Variants in AR observed in about 807,000 individuals in gnomAD.
AR encodes the protein androgen receptor.
Under a neutral mutation model 53.9 loss-of-function variants are expected in AR, and 8 were observed. The ratio of observed to expected loss-of-function variants is 0.15; its 90% CI spans 0.09 to 0.27. AR has a LOEUF of 0.27. AR is among the 10% of genes least tolerant of loss of function. AR has a pLI of 1.00. For missense variants in AR, 639 were observed against 742.5 expected (o/e 0.86, Z 1.62); for synonymous variants, 359 against 316.4 (o/e 1.13, Z -1.43).
At chrX:67,656,390 C>G (rs906699140) in intron 2 of AR, among the ~76,000 whole-genome samples, 2 of 110,905 alleles carry the variant, frequency 1.8e-5, no homozygotes, top group African/African-American at 6.6e-5. Flanking sequence ...GAGAAAAAAT[C>G]TATAAGCAGA....
chrX:67,618,687 G>A (rs992250216), intron 1 of AR, among the ~76,000 whole-genome samples: 3 of 111,459 alleles, frequency 2.7e-5, no homozygotes, highest in Non-Finnish European at 5.7e-5. Flanking sequence ...TTCTATCTAG[G>A]GATAGAGTCA....
chrX:67,716,946 G>C (rs1004133105), intron 4 of AR, among the ~76,000 whole-genome samples: 1 of 111,851 alleles, frequency 8.9e-6, no homozygotes, highest in Non-Finnish European at 1.9e-5. Context: ...CTAGCTGTAT[G>C]ATCTTGGACA....
At chrX:67,682,538 A>G (rs772532299) in intron 2 of AR, among the ~76,000 whole-genome samples, 1 of 109,674 alleles carries the variant, frequency 9.1e-6, no homozygotes, top group East Asian at 2.9e-4. Context: ...CAATCTTTCC[A>G]CCTTGGCCTT....
At chrX:67,664,651 AGG>A (rs1227368884) in intron 2 of AR, among the ~76,000 whole-genome samples, 2 of 112,221 alleles carry the variant, frequency 1.8e-5, no homozygotes, top group Non-Finnish European at 3.8e-5. Flanking sequence ...GCTGTCAGAC[AGG>A]GACATTTAAG....
intron 1 of AR, among the ~76,000 whole-genome samples, chrX:67,547,852 A>G (rs1422110417): frequency 1.8e-5 from 2 of 112,061 alleles, no homozygotes; most frequent in Non-Finnish European, 3.8e-5. Context: ...CAAAGTTTTA[A>G]TTAGCATATG....
Position 67,717,167 on chromosome X carries a change from G to GA in AR, c.2174-304dup, listed in dbSNP as rs201474636. Among the ~76,000 whole-genome samples, 242 of 111,598 alleles carry GA rather than the reference G, an allele frequency of 2.2e-3. 7 individuals are homozygous for GA. In the East Asian group the frequency reaches 0.059, roughly 27 times the overall value. On this transcript the variant is annotated intron_variant, in intron 4 of 7. Coordinates refer to ENST00000374690, the MANE Select transcript of AR (RefSeq NM_000044.6). Reference sequence around the variant, plus strand: ...AAAAAAGAGCAATCCAATAGCAAAAGAAAAAAAGAGTTCACTCATATAAGC... The same window carrying GA: ...AAAAAAGAGCAATCCAATAGCAAAAGAAAAAAAAGAGTTCACTCATATAAGC...
At chrX:67,717,693 G>A (rs2147531447) in intron 5 of AR, 71 bp downstream of exon 5, 1 of 1,171,489 alleles carries the variant, frequency 8.5e-7, no homozygotes, top group South Asian at 1.8e-5. Flanking sequence ...TGGTGATGGT[G>A]ATGGGGTGAC....
intron 2 of AR, among the ~76,000 whole-genome samples, chrX:67,667,331 G>A (rs993156885): frequency 1.8e-5 from 2 of 111,299 alleles, no homozygotes; most frequent in African/African-American, 6.5e-5. Flanking sequence ...TCTAATATAC[G>A]TTCTTGGCAC....
rs758912811 is a variant in AR, at chrX:67,574,978, G to A, written c.1616+28216G>A. 1.5e-4 allele frequency among the ~76,000 whole-genome samples: 17 copies of A among 111,029 alleles called. No individual in the cohort carries two copies. In the South Asian group the frequency reaches 4.2e-3, roughly 28 times the overall value. ...AATAGAGCCAATTTTCTTTTTTTCC[G>A]GGGGGGATGACTTCTAACTAGTGAT... is the stretch of plus-strand genomic sequence containing the variant. On this transcript the variant is annotated intron_variant, in intron 1 of 7. Transcript: ENST00000374690.
intron 3 of AR, among the ~76,000 whole-genome samples, chrX:67,710,076 G>A (rs1469377607): frequency 9.0e-6 from 1 of 110,752 alleles, no homozygotes; most frequent in African/African-American, 3.3e-5. Flanking sequence ...ATGTGTGTGT[G>A]AGTGTGCGTG....
intron 1 of AR, among the ~76,000 whole-genome samples, chrX:67,640,519 T>C: frequency 9.0e-6 from 1 of 111,233 alleles, no homozygotes. Flanking sequence ...TCTATTCAGG[T>C]ATTTGACTTC....
chrX:67,670,499 A>C lies in AR; in HGVS notation c.1769-15511A>C, dbSNP rs189513267. On this transcript the variant is annotated intron_variant, in intron 2 of 7. Transcript: ENST00000374690. ...TTTCATGCAAATGGAAACCAAAAAAATTAGCAGCTATACTAATATATTATA... is the reference window on the plus strand; with the variant it reads ...TTTCATGCAAATGGAAACCAAAAAACTTAGCAGCTATACTAATATATTATA... Among the ~76,000 whole-genome samples the C allele has an allele frequency of 7.9e-3, 844 of 106,816 alleles. 6 individuals are homozygous for C. The highest frequency in any genetic ancestry group is 0.027 in the African/African-American group (802 of 29,606). 92.8% of individuals were successfully genotyped at this position (106,816 alleles called of 115,157 possible).
intron 1 of AR, among the ~76,000 whole-genome samples, chrX:67,619,329 C>G (rs775751529): frequency 4.7e-4 from 52 of 109,500 alleles, no homozygotes; most frequent in Non-Finnish European, 6.5e-4. Flanking sequence ...CTCTCTCTCT[C>G]TCTGTGTGTG....
intron 1 of AR, among the ~76,000 whole-genome samples, chrX:67,581,822 G>A (rs1922311955): frequency 9.0e-6 from 1 of 111,374 alleles, no homozygotes; most frequent in Non-Finnish European, 1.9e-5. Flanking sequence ...TACCCTGTAC[G>A]ACAGAGGTAA....
chrX:67,594,702 C>A, intron 1 of AR, among the ~76,000 whole-genome samples: 1 of 112,126 alleles, frequency 8.9e-6, no homozygotes, highest in Non-Finnish European at 1.9e-5. Context: ...AATCCCAGCA[C>A]TTTGGGAGGC....
chrX:67,671,243 T>C (rs939157265), intron 2 of AR, among the ~76,000 whole-genome samples: 3 of 112,071 alleles, frequency 2.7e-5, no homozygotes, highest in African/African-American at 9.7e-5. Flanking sequence ...TTCCTATTTC[T>C]TCAAATCCTC....
At chrX:67,629,239 A>G (rs1305580316) in intron 1 of AR, among the ~76,000 whole-genome samples, 2 of 107,989 alleles carry the variant, frequency 1.9e-5, no homozygotes, top group Non-Finnish European at 3.9e-5. Flanking sequence ...TACCTCTGAT[A>G]GAATTCGGCT....
In AR at chrX:67,545,313, TGCTGCAGCAGCAGCAGCAGCAGCA is replaced by T. The variant is rs749944495; in HGVS notation, c.170_193del (p.Leu57_Gln64del). The T allele has an allele frequency of 3.6e-6, 4 of 1,098,702 alleles. No individual in the cohort carries two copies. The highest frequency in any genetic ancestry group is 2.2e-5 in the African/African-American group (1 of 46,477). 90.5% of individuals were successfully genotyped at this position (1,098,702 alleles called of 1,213,427 possible). ...GCACCTCCCGGCGCCAGTTTGCTGC[TGCTGCAGCAGCAGCAGCAGCAGCA>T]GCAGCAGCAGCAGCAGCAGCAGCAG... is the stretch of plus-strand genomic sequence containing the variant. On this transcript the variant is annotated inframe_deletion, in exon 1 of 8. Coordinates refer to ENST00000374690, the MANE Select transcript of AR (RefSeq NM_000044.6).
At chrX:67,631,281 C>G in intron 1 of AR, among the ~76,000 whole-genome samples, 1 of 111,831 alleles carries the variant, frequency 8.9e-6, no homozygotes, top group East Asian at 2.8e-4. Flanking sequence ...GTACACCAAT[C>G]AGACATAGAT....
Sources: gnomAD v4.1 joint callset for allele counts (sites outside exome capture counted in the v4.1 genomes callset) on GRCh38, gnomAD v4.1.1 for gene constraint, MANE v1.5 for transcripts, NCBI Gene and HGNC (gene_info 2026-07-23, HGNC 2026-07-21) for gene names.